PPM1F: variants seen among roughly 807,000 people sequenced by gnomAD.
The protein encoded by PPM1F is protein phosphatase 1F.
Under a neutral mutation model 35.5 loss-of-function variants are expected in PPM1F, and 17 were observed. That is an observed-to-expected ratio of 0.48 (90% confidence interval 0.33 to 0.72). The LOEUF is 0.72. Ranked by LOEUF, PPM1F falls within the 30% of genes least tolerant of loss-of-function variation. The pLI is 0.02. For synonymous variants in PPM1F, 241 were observed against 255.5 expected, an observed-to-expected ratio of 0.94 and a Z score of 0.54; for missense variants, 521 against 613.0, an observed-to-expected ratio of 0.85 and a Z score of 1.59.
In PPM1F at chr22:21,924,013, C is replaced by T. The variant is rs750465888; in HGVS notation, c.986-542G>A. 3.3e-5 allele frequency among the ~76,000 whole-genome samples: 5 copies of T among 152,076 alleles called. No individual in the cohort carries two copies. The East Asian group carries it at 5.8e-4, about 18-fold the overall frequency. ...GAGCTCCCTCTTTCTCTGCCCTAGC[C>T]GTCCCATCCTGGCCTCACTTCCTGG... is the stretch of plus-strand genomic sequence containing the variant. On this transcript the variant is annotated intron_variant, in intron 7 of 7. Coordinates refer to ENST00000263212, the MANE Select transcript of PPM1F (RefSeq NM_014634.4).
rs778944963 is a variant in PPM1F at position 21,920,169 on chromosome 22, C to G, written c.*2923G>C. 6.6e-6 allele frequency: 1 copy of G among 152,516 alleles called. No individual in the cohort carries two copies. The highest frequency in any genetic ancestry group is 2.4e-5 in the African/African-American group (1 of 41,450). 9.4% of individuals were successfully genotyped at this position (152,516 alleles called of 1,614,324 possible). A position where few individuals can be genotyped will look rare whatever the true frequency, so the allele number is the denominator to read the frequency against. On this transcript the variant is annotated 3_prime_UTR_variant, in exon 8 of 8. Transcript: ENST00000263212. ...TAGACACTAATAAGACTTAACCACC[C>G]CAACCTGCTGGCAGCAGGAGGGCCC...
chr22:21,927,137 G>C (rs1169601577), intron 6 of PPM1F, among the ~76,000 whole-genome samples: 1 of 152,182 alleles, frequency 6.6e-6, no homozygotes, highest in Non-Finnish European at 1.5e-5. Context: ...GCTCTCTCTG[G>C]GTCTAAGATC....
chr22:21,934,277 G>A, intron 3 of PPM1F, 51 bp from the exon 4 acceptor site: 1 of 1,490,632 alleles, frequency 6.7e-7, no homozygotes, highest in Non-Finnish European at 9.1e-7. Flanking sequence ...CAAGCCAGCT[G>A]AGGCCTCGCT....
At chr22:21,938,067 A>C in intron 3 of PPM1F, 1 of 1,265,392 alleles carries the variant, frequency 7.9e-7, no homozygotes, top group Non-Finnish European at 1.0e-6. Flanking sequence ...GCAGGCCTGC[A>C]TGCGAGGCAC....
chr22:21,923,369 A>G lies in PPM1F; in HGVS notation c.1088T>C (p.Phe363Ser), dbSNP rs1397879871. The G allele has an allele frequency of 1.9e-6, 3 of 1,613,704 alleles. No individual in the cohort carries two copies. Among genetic ancestry groups the G allele is most frequent in the African/African-American group, 1.3e-5 (1 of 74,910 alleles). The change falls in exon 8 of 8, where the codon TTT becomes TCT. Residue 363 changes from phenylalanine to serine, a missense_variant. This residue lies in a region of PPM1F where 163 missense variants were observed against 169.6 expected (regional missense o/e 0.96). Transcript: ENST00000263212. ...AACTTCCTGGTGGGGTACGACGTCA[A>G]AGAAGCCATCACAGGCAAGCAGCAG... ...DYLLLACDGF[F>S]DVVPHQEVVG...
chr22:21,940,031 C>A (rs561385344), intron 2 of PPM1F, among the ~76,000 whole-genome samples: 2 of 152,056 alleles, frequency 1.3e-5, no homozygotes, highest in African/African-American at 4.8e-5. Context: ...TGAATTGTGT[C>A]CCCCCTAAAT....
chr22:21,930,826 C>T (rs2070579782), intron 6 of PPM1F, among the ~76,000 whole-genome samples: 1 of 152,198 alleles, frequency 6.6e-6, no homozygotes, highest in Non-Finnish European at 1.5e-5. Flanking sequence ...CCTTCCTCAC[C>T]CACAGCCTGT....
intron 1 of PPM1F, chr22:21,946,443 G>A (rs2070778400): frequency 1.2e-5 from 2 of 168,758 alleles, no homozygotes; most frequent in South Asian, 3.3e-4. Context: ...GGTAGGTGAG[G>A]GGGTTCAACC....
intron 1 of PPM1F, 51 bp from the exon 2 acceptor site, chr22:21,946,159 ATGCAGG>A: frequency 1.2e-6 from 1 of 863,852 alleles, no homozygotes; most frequent in South Asian, 2.0e-5. Context: ...GGCACCAGCA[ATGCAGG>A]TGCCCACCTG....
chr22:21,945,539 G>T lies in PPM1F; in HGVS notation c.206+304C>A, dbSNP rs143509773. The T allele has an allele frequency of 1.3e-5, 5 of 388,542 alleles. No homozygotes were observed. In the East Asian group the frequency reaches 2.6e-4, roughly 21 times the overall value. 24.1% of individuals were successfully genotyped at this position (388,542 alleles called of 1,614,324 possible). On this transcript the variant is annotated intron_variant, in intron 2 of 7. Coordinates refer to ENST00000263212, the MANE Select transcript of PPM1F (RefSeq NM_014634.4). ...AGCCAAGGACCTCCAGGAAGTCAAG[G>T]CCAGGCACTAACAGAAAGGCAGACT... is the stretch of plus-strand genomic sequence containing the variant.
chr22:21,927,009 G>A (rs1036697051), intron 6 of PPM1F, among the ~76,000 whole-genome samples: 14 of 152,172 alleles, frequency 9.2e-5, no homozygotes, highest in African/African-American at 3.1e-4. Flanking sequence ...CGGCCTTCCT[G>A]GGCACTGCAG....
In PPM1F at chr22:21,923,000, G is replaced by A. The variant is rs1372553844; in HGVS notation, c.*92C>T. 6.7e-7 allele frequency: 1 copy of A among 1,483,420 alleles called. No individual in the cohort carries two copies. The highest frequency in any genetic ancestry group is 2.3e-5 in the East Asian group (1 of 43,856). 91.9% of individuals were successfully genotyped at this position (1,483,420 alleles called of 1,614,324 possible). A position where few individuals can be genotyped will look rare whatever the true frequency, so the allele number is the denominator to read the frequency against. ...GAAAGCACTGTGGGGCGGGCACCCTGTCCACTGCCTGCCACCTGTTGGGTC... is the reference window on the plus strand; with the variant it reads ...GAAAGCACTGTGGGGCGGGCACCCTATCCACTGCCTGCCACCTGTTGGGTC... On this transcript the variant is annotated 3_prime_UTR_variant, in exon 8 of 8. Transcript: ENST00000263212.
At chr22:21,933,951 C>T (rs1333539876) in intron 4 of PPM1F, 73 bp downstream of exon 4, 9 of 1,411,144 alleles carry the variant, frequency 6.4e-6, no homozygotes, top group South Asian at 5.5e-5. Context: ...CAGCTCTTCT[C>T]GGTACCTGGG....
chr22:21,925,423 C>T (rs2070500114), intron 7 of PPM1F, 146 bp downstream of exon 7: 3 of 654,298 alleles, frequency 4.6e-6, no homozygotes, highest in Non-Finnish European at 8.4e-6. Context: ...TCCCTTCACA[C>T]TACGAGGGTA....
intron 6 of PPM1F, among the ~76,000 whole-genome samples, chr22:21,929,613 AT>A (rs2070564120): frequency 6.6e-6 from 1 of 152,200 alleles, no homozygotes; most frequent in Non-Finnish European, 1.5e-5. Flanking sequence ...ACTTGGCCAC[AT>A]TTCATCTGAC....
chr22:21,945,743 C>T (rs1286517706), intron 2 of PPM1F, 100 bp downstream of exon 2: 27 of 1,258,484 alleles, frequency 2.1e-5, no homozygotes, highest in Middle Eastern at 5.5e-4. Flanking sequence ...TGCAGATCCC[C>T]GTGTGGGGCT....
intron 3 of PPM1F, chr22:21,938,394 CAAGGCT>C: frequency 8.6e-7 from 1 of 1,158,586 alleles, no homozygotes; most frequent in Non-Finnish European, 1.1e-6. Context: ...CAGGCTAAGG[CAAGGCT>C]GCGCTCCCAG....
At chr22:21,950,799 A>G (rs956366496) in intron 1 of PPM1F, 1 of 151,892 alleles carries the variant, frequency 6.6e-6, no homozygotes, top group African/African-American at 2.4e-5. Context: ...ATTTTTTTGT[A>G]TTTTTAGTAG....
intron 6 of PPM1F, among the ~76,000 whole-genome samples, chr22:21,926,527 G>A (rs1390148457): frequency 6.6e-6 from 1 of 152,084 alleles, no homozygotes; most frequent in African/African-American, 2.4e-5. Context: ...CCAGGGACAG[G>A]ACAGAGGCTT....
Sources: allele counts gnomAD v4.1 joint callset (sites outside exome capture counted in the v4.1 genomes callset), GRCh38; gene constraint gnomAD v4.1.1; regional missense constraint gnomAD v4.1.1; transcripts MANE v1.5; gene names NCBI Gene and HGNC (gene_info 2026-07-23, HGNC 2026-07-21).